DCLK2: variants seen among roughly 807,000 people sequenced by gnomAD.
The protein encoded by DCLK2 is doublecortin like kinase 2, also known as serine/threonine-protein kinase DCLK2.
In DCLK2, 31 loss-of-function variants were observed where a neutral mutation model predicts 78.4. The observed-to-expected ratio is 0.40, with a 90% CI of 0.30 to 0.53. The LOEUF is 0.53. Ranked by LOEUF, DCLK2 falls within the 20% of genes least tolerant of loss-of-function variation. The pLI is 0.61. For synonymous variants in DCLK2, 407 were observed against 374.9 expected (o/e 1.09, Z -0.99); for missense variants, 872 against 973.7 (o/e 0.90, Z 1.39).
At chr4:150,160,782 A>G (rs1735647486) in intron 2 of DCLK2, among the ~76,000 whole-genome samples, 1 of 152,148 alleles carries the variant, frequency 6.6e-6, no homozygotes, top group Non-Finnish European at 1.5e-5. Flanking sequence ...TTTGCTCCGG[A>G]TATTTGGAAA....
chr4:150,146,225 T>G (rs1734461709), intron 2 of DCLK2, among the ~76,000 whole-genome samples: 1 of 152,234 alleles, frequency 6.6e-6, no homozygotes, highest in Non-Finnish European at 1.5e-5. Context: ...TTGCATGTGT[T>G]TTAGAGCTTT....
At chr4:150,164,124 T>C (rs1735899086) in intron 2 of DCLK2, among the ~76,000 whole-genome samples, 1 of 152,244 alleles carries the variant, frequency 6.6e-6, no homozygotes. Flanking sequence ...GCCAGCAATA[T>C]AAAGTTGACC....
intron 2 of DCLK2, among the ~76,000 whole-genome samples, chr4:150,150,519 A>T (rs976829245): frequency 1.3e-5 from 2 of 152,234 alleles, no homozygotes; most frequent in African/African-American, 2.4e-5. Flanking sequence ...ATAAAAATAA[A>T]ACCTATTAAA....
At chr4:150,172,760 TGGGGG>T (rs34505816) in intron 2 of DCLK2, among the ~76,000 whole-genome samples, 1,959 of 125,016 alleles carry the variant, frequency 0.016, 59 homozygotes, top group African/African-American at 0.052. Context: ...TTTTTTTTTT[TGGGGG>T]GGGGGGGGAT....
rs116516041 is a variant in DCLK2, at chr4:150,184,353, C to T, written c.757-8785C>T. Among the ~76,000 whole-genome samples, 998 of 152,316 alleles carry T rather than the reference C, an allele frequency of 6.6e-3. 7 individuals are homozygous for T. Among genetic ancestry groups the T allele is most frequent in the African/African-American group, 0.021 (860 of 41,568 alleles). On this transcript the variant is annotated intron_variant, in intron 2 of 15. Coordinates refer to ENST00000296550, the MANE Select transcript of DCLK2 (RefSeq NM_001040260.4). ...CTTAAAATAGTGTTTCTTTTACTCT[C>T]TCTCAGAAAAATGCATTTCAACTTT...
intron 2 of DCLK2, among the ~76,000 whole-genome samples, chr4:150,127,151 G>T (rs748042352): frequency 4.6e-5 from 7 of 152,144 alleles, no homozygotes; most frequent in Non-Finnish European, 8.8e-5. Flanking sequence ...GGTTAAGCAA[G>T]TGCCTTCTAG....
At chr4:150,098,942 C>T (rs1730675804) in intron 1 of DCLK2, among the ~76,000 whole-genome samples, 1 of 152,050 alleles carries the variant, frequency 6.6e-6, no homozygotes, top group Non-Finnish European at 1.5e-5. Flanking sequence ...TGAGCCACCT[C>T]CCTCGGCTCC....
chr4:150,151,653 G>A (rs924986659), intron 2 of DCLK2, among the ~76,000 whole-genome samples: 9 of 152,148 alleles, frequency 5.9e-5, no homozygotes, highest in East Asian at 3.9e-4. Context: ...GGCCGGGTGC[G>A]GTGGCTCATG....
At chr4:150,152,360 C>A (rs1734959408) in intron 2 of DCLK2, among the ~76,000 whole-genome samples, 2 of 152,228 alleles carry the variant, frequency 1.3e-5, no homozygotes, top group African/African-American at 4.8e-5. Flanking sequence ...TGGCTCACTG[C>A]AACCTCCACC....
At chr4:150,139,879 T>C (rs535687053) in intron 2 of DCLK2, among the ~76,000 whole-genome samples, 4 of 152,226 alleles carry the variant, frequency 2.6e-5, no homozygotes, top group Non-Finnish European at 4.4e-5. Flanking sequence ...AATTTCAAAG[T>C]TTATATGCAA....
intron 1 of DCLK2, among the ~76,000 whole-genome samples, chr4:150,083,081 G>T (rs1729416220): frequency 6.6e-6 from 1 of 152,122 alleles, no homozygotes. Context: ...AAATGTGTAT[G>T]TACCCGTTAA....
At chr4:150,132,782 C>T (rs749374008) in intron 2 of DCLK2, among the ~76,000 whole-genome samples, 1 of 152,044 alleles carries the variant, frequency 6.6e-6, no homozygotes, top group Non-Finnish European at 1.5e-5. Context: ...TTATAGAGAC[C>T]GTACCTGGCT....
chr4:150,114,814 T>C (rs1731955876), intron 2 of DCLK2, among the ~76,000 whole-genome samples: 1 of 152,232 alleles, frequency 6.6e-6, no homozygotes, highest in Non-Finnish European at 1.5e-5. Flanking sequence ...TCACTGCTCT[T>C]AGAATTCATT....
rs745473196 is a variant in DCLK2, at chr4:150,239,724, G to A, written c.1567-18G>A. On this transcript the variant is annotated intron_variant, in intron 10 of 15. Coordinates refer to ENST00000296550, the MANE Select transcript of DCLK2 (RefSeq NM_001040260.4). ...AGGAAAAAAAAATCTTCTGATTGTTGGCTGATTTCTGTTTCAGGTGTGTGA... is the reference window on the plus strand; with the variant it reads ...AGGAAAAAAAAATCTTCTGATTGTTAGCTGATTTCTGTTTCAGGTGTGTGA... The A allele has an allele frequency of 1.2e-6, 2 of 1,610,054 alleles. No individual in the cohort carries two copies. The highest frequency in any genetic ancestry group is 2.7e-5 in the African/African-American group (2 of 74,684).
intron 1 of DCLK2, among the ~76,000 whole-genome samples, chr4:150,094,334 G>T (rs1011859631): frequency 6.6e-6 from 1 of 152,204 alleles, no homozygotes; most frequent in Non-Finnish European, 1.5e-5. Context: ...TAACAGTGGA[G>T]ATTTTAAATG....
intron 4 of DCLK2, chr4:150,198,907 A>ACCC (rs1739253204): frequency 8.2e-6 from 4 of 489,098 alleles, no homozygotes; most frequent in African/African-American, 2.9e-5. Flanking sequence ...TTCCCCTTTC[A>ACCC]GCACCCCCCC....
At chr4:150,103,121 G>T (rs138327274) in intron 2 of DCLK2, among the ~76,000 whole-genome samples, 1 of 152,046 alleles carries the variant, frequency 6.6e-6, no homozygotes, top group African/African-American at 2.4e-5. Context: ...GACATCCTAC[G>T]TTAAATGGCA....
chr4:150,079,048 C>T lies in DCLK2; in HGVS notation c.21C>T (p.Ile7=), dbSNP rs1729030135. The change falls in exon 1 of 16, where the codon ATC becomes ATT. Residue 7 remains isoleucine (I), a synonymous_variant. Coordinates refer to ENST00000296550, the MANE Select transcript of DCLK2 (RefSeq NM_001040260.4). ...CCGCGATGGCCAGCACCAGGAGTAT[C>T]GAGCTGGAGCACTTTGAGGAACGGG... MASTRS[I]ELEHFEERDK... The T allele has an allele frequency of 1.9e-6, 3 of 1,545,458 alleles. No homozygotes were observed. Among genetic ancestry groups the T allele is most frequent in the Non-Finnish European group, 2.6e-6 (3 of 1,151,036 alleles).
Position 150,079,324 on chromosome 4 carries a change from C to A in DCLK2, c.297C>A (p.Phe99Leu), listed in dbSNP as rs61744627. ...FAISSDRFRSFDALLIELTRS... is the reference protein window; with the variant it reads ...FAISSDRFRSLDALLIELTRS... ...TCTCCAGCGACCGCTTCCGGTCCTT[C>A]GATGCGCTCCTCATAGAGCTCACCC... The change falls in exon 1 of 16, where the codon TTC (phenylalanine) becomes TTA (leucine). Residue 99 changes from phenylalanine to leucine, a missense_variant. Physicochemically the swap from Phe to Leu is conservative, Grantham distance 22. Transcript: ENST00000296550. The A allele has an allele frequency of 1.3e-6, 2 of 1,589,778 alleles. No homozygotes were observed. Among genetic ancestry groups the A allele is most frequent in the South Asian group, 1.1e-5 (1 of 87,520 alleles).
Sources: allele counts gnomAD v4.1 joint callset (sites outside exome capture counted in the v4.1 genomes callset), GRCh38; gene constraint gnomAD v4.1.1; transcripts MANE v1.5; gene names NCBI Gene and HGNC (gene_info 2026-07-23, HGNC 2026-07-21).